Variants in EML4 observed in about 807,000 individuals in gnomAD.
The protein encoded by EML4 is echinoderm microtubule-associated protein-like 4.
EML4 carries 72 observed loss-of-function variants against 129.0 expected under a neutral mutation model. The ratio of observed to expected loss-of-function variants is 0.56; its 90% confidence interval spans 0.46 to 0.68. EML4 has a LOEUF of 0.68. EML4 is among the 30% of genes least tolerant of loss of function. The pLI is 0.00. For synonymous variants in EML4, 532 were observed against 405.0 expected (o/e 1.31, Z -3.77); for missense variants, 1,363 against 1,190.6 (o/e 1.14, Z -2.13).
intron 1 of EML4, among the ~76,000 whole-genome samples, chr2:42,236,103 A>G (rs1674659400): frequency 1.3e-5 from 2 of 152,104 alleles, no homozygotes; most frequent in Non-Finnish European, 2.9e-5. Flanking sequence ...ATTGTCATAA[A>G]TTTTGTGTAT....
chr2:42,308,177 A>T (rs71441190), intron 17 of EML4, among the ~76,000 whole-genome samples: 1 of 152,148 alleles, frequency 6.6e-6, no homozygotes, highest in Non-Finnish European at 1.5e-5. Flanking sequence ...AAAATTAAAC[A>T]TATAACCTTA....
chr2:42,286,512 A>T (rs1476523098), intron 10 of EML4, 133 bp downstream of exon 10: 1 of 639,446 alleles, frequency 1.6e-6, no homozygotes, highest in African/African-American at 1.8e-5. Flanking sequence ...TATTGCTAAC[A>T]TATTAGCTAT....
chr2:42,216,206 T>C lies in EML4; in HGVS notation c.26-29299T>C, dbSNP rs924010405. Among the ~76,000 whole-genome samples, 9 of 143,730 alleles carry C rather than the reference T, an allele frequency of 6.3e-5. No homozygotes were observed. In the Admixed American group the frequency reaches 6.4e-4, roughly 10 times the overall value. The allele number at this position is 143,730 out of a possible 152,430, so 94.3% of individuals were successfully genotyped here. ...AACCAAAGTGCTGGGATTACAAGCA[T>C]GAGCTACCACACCCGGCCCACTTCT... On this transcript the variant is annotated intron_variant, in intron 1 of 22. Coordinates refer to ENST00000318522, the MANE Select transcript of EML4 (RefSeq NM_019063.5).
At chr2:42,204,456 C>G (rs1297959920) in intron 1 of EML4, among the ~76,000 whole-genome samples, 4 of 152,174 alleles carry the variant, frequency 2.6e-5, no homozygotes, top group African/African-American at 9.7e-5. Context: ...TCCAGTGGGA[C>G]TATTCCTCTC....
intron 3 of EML4, among the ~76,000 whole-genome samples, chr2:42,257,442 A>G (rs1190215325): frequency 6.6e-6 from 1 of 152,120 alleles, no homozygotes; most frequent in East Asian, 1.9e-4. Context: ...AACTAATGCT[A>G]GTGACCGAAT....
rs1196035388 is a variant in EML4 at position 42,284,623 on chromosome 2, C to T, written c.942-11C>T. ...CCTGTGTTTAAAATCATTCTTAATA[C>T]TGCTTTTTAGCCTTGCTATACATCC... On this transcript the variant is annotated splice_polypyrimidine_tract_variant and intron_variant, in intron 8 of 22. Transcript: ENST00000318522. The T allele has an allele frequency of 3.1e-6, 5 of 1,602,264 alleles. No individual in the cohort carries two copies. Among genetic ancestry groups the T allele is most frequent in the South Asian group, 2.2e-5 (2 of 89,990 alleles).
At position 42,202,160 on chromosome 2, in the gene EML4, C is replaced by T. The variant is rs1487009428; in HGVS notation, c.25+32524C>T. On this transcript the variant is annotated intron_variant, in intron 1 of 22. Transcript: ENST00000318522. ...GGGGTGTAGACAGGGAAAGGAGAGG[C>T]GTTGGTCAAATAGTACAAAGTTTCA... 4.0e-5 allele frequency among the ~76,000 whole-genome samples: 6 copies of T among 151,610 alleles called. No individual in the cohort carries two copies. The East Asian group carries it at 5.8e-4, about 15-fold the overall frequency.
In EML4 at chr2:42,264,578, C is replaced by T. The variant is rs1013205582; in HGVS notation, c.642-128C>T. 3 of 647,094 alleles carry T rather than the reference C, an allele frequency of 4.6e-6. No homozygotes were observed. In the East Asian group the frequency reaches 8.5e-5, roughly 18 times the overall value. The allele number at this position is 647,094 out of a possible 1,614,324, so 40.1% of individuals were successfully genotyped here. A position where few individuals can be genotyped will look rare whatever the true frequency, so the allele number is the denominator to read the frequency against. On this transcript the variant is annotated intron_variant, in intron 5 of 22. Coordinates refer to ENST00000318522, the MANE Select transcript of EML4 (RefSeq NM_019063.5). Reference sequence around the variant, plus strand: ...AACTTTAAAAAATGCTGATTTCTTACTTTCACTTCCAGAGATTTATCTAGA... The same window carrying T: ...AACTTTAAAAAATGCTGATTTCTTATTTTCACTTCCAGAGATTTATCTAGA...
At chr2:42,296,103 A>T (rs1353527752) in intron 13 of EML4, among the ~76,000 whole-genome samples, 1 of 152,326 alleles carries the variant, frequency 6.6e-6, no homozygotes, top group East Asian at 1.9e-4. Context: ...TAGAGGAAGG[A>T]CATGGAAAAT....
At chr2:42,279,611 T>A (rs534193262) in intron 6 of EML4, among the ~76,000 whole-genome samples, 1 of 152,008 alleles carries the variant, frequency 6.6e-6, no homozygotes, top group South Asian at 2.1e-4. Context: ...GTGCCCGCCA[T>A]CATGCCTGGC....
intron 1 of EML4, among the ~76,000 whole-genome samples, chr2:42,186,524 G>C (rs1671259683): frequency 6.6e-6 from 1 of 152,078 alleles, no homozygotes; most frequent in Non-Finnish European, 1.5e-5. Flanking sequence ...TCTTTTCTTT[G>C]CTTATTAATC....
chr2:42,248,936 G>A (rs1175761987), intron 2 of EML4, among the ~76,000 whole-genome samples: 1 of 152,040 alleles, frequency 6.6e-6, no homozygotes, highest in Non-Finnish European at 1.5e-5. Context: ...GTTTCCAATA[G>A]TGATATTAAG....
intron 17 of EML4, among the ~76,000 whole-genome samples, chr2:42,309,561 A>G (rs770826358): frequency 1.3e-5 from 2 of 151,432 alleles, no homozygotes; most frequent in Non-Finnish European, 2.9e-5. Context: ...GCCAGTACAT[A>G]TTATCTGTGT....
chr2:42,230,078 A>G (rs893461226), intron 1 of EML4, among the ~76,000 whole-genome samples: 9 of 152,148 alleles, frequency 5.9e-5, no homozygotes, highest in African/African-American at 1.9e-4. Flanking sequence ...GGGGGTTCTT[A>G]TCTTCTAAAG....
intron 1 of EML4, among the ~76,000 whole-genome samples, chr2:42,239,800 A>G (rs1032119647): frequency 5.9e-5 from 9 of 152,118 alleles, no homozygotes; most frequent in Non-Finnish European, 8.8e-5. Context: ...AAATGATCTA[A>G]TCTACTTGAT....
chr2:42,220,236 ATTTTTT>A (rs56896362), intron 1 of EML4, among the ~76,000 whole-genome samples: 31,557 of 140,060 alleles, frequency 0.23, 3,536 homozygotes, highest in South Asian at 0.3. Flanking sequence ...CAGATACTGT[ATTTTTT>A]TTTTTTTTTT....
chr2:42,228,679 C>T (rs1674131585), intron 1 of EML4, among the ~76,000 whole-genome samples: 2 of 152,242 alleles, frequency 1.3e-5, no homozygotes, highest in East Asian at 1.9e-4. Flanking sequence ...TCATTCTTTT[C>T]TCTCCTGGTA....
chr2:42,284,539 G>T (rs1329886351), intron 8 of EML4, 95 bp from the exon 9 acceptor site: 3 of 703,904 alleles, frequency 4.3e-6, no homozygotes, highest in East Asian at 5.8e-5. Context: ...GTTTTTTAAC[G>T]ATTAAAAACT....
chr2:42,200,426 A>C (rs1008398092), intron 1 of EML4, among the ~76,000 whole-genome samples: 56 of 152,216 alleles, frequency 3.7e-4, no homozygotes, highest in Non-Finnish European at 6.8e-4. Flanking sequence ...AGCTGTAGAG[A>C]GCAGTCTTTT....
Sources: gnomAD v4.1 joint callset for allele counts (sites outside exome capture counted in the v4.1 genomes callset) on GRCh38, gnomAD v4.1.1 for gene constraint, MANE v1.5 for transcripts, NCBI Gene and HGNC (gene_info 2026-07-23, HGNC 2026-07-21) for gene names.